The following TENT5D variants were observed in gnomAD, a reference collection of about 807,000 sequenced individuals.
TENT5D encodes the protein cancer/testis antigen 112.
For missense variants in TENT5D, 191 were observed against 287.0 expected (o/e 0.67, Z 2.42); for synonymous variants, 103 against 100.6 (o/e 1.02, Z -0.15).
chrX:80,372,183 A>G (rs1336512627), intron 3 of TENT5D, among the ~76,000 whole-genome samples: 1 of 111,281 alleles, frequency 9.0e-6, no homozygotes, highest in Non-Finnish European at 1.9e-5. Flanking sequence ...TAAATTAAGT[A>G]TGGTTTAAGG....
intron 1 of TENT5D, among the ~76,000 whole-genome samples, chrX:80,437,526 A>C (rs1362593299): frequency 9.0e-6 from 1 of 111,612 alleles, no homozygotes; most frequent in East Asian, 2.8e-4. Flanking sequence ...TATTGAACAC[A>C]GTATGGAAAC....
At chrX:80,395,252 T>G (rs955681050) in intron 3 of TENT5D, among the ~76,000 whole-genome samples, 1 of 112,396 alleles carries the variant, frequency 8.9e-6, no homozygotes, top group Non-Finnish European at 1.9e-5. Context: ...TACATGTTTT[T>G]TATTCCTTTG....
At position 80,428,057 on chromosome X, in the gene TENT5D, AT is replaced by A. The variant is rs776326337; in HGVS notation, c.-142+7500del. 9.8e-3 allele frequency among the ~76,000 whole-genome samples: 1,108 copies of A among 112,736 alleles called. 7 individuals are homozygous for A. The highest frequency in any genetic ancestry group is 0.042 in the Middle Eastern group (9 of 214). The stretch of plus-strand genomic sequence containing the variant: ...AAGCTGAGCACTTTTTAAGAAAATT[AT>A]TTTTTATTAATTAAAACTACAGAGA... On this transcript the variant is annotated intron_variant, in intron 1 of 2. Coordinates refer to ENST00000308293, the Ensembl canonical transcript of TENT5D.
At chrX:80,388,556 G>T (rs941926269) in intron 3 of TENT5D, among the ~76,000 whole-genome samples, 1 of 111,774 alleles carries the variant, frequency 8.9e-6, no homozygotes, top group Non-Finnish European at 1.9e-5. Flanking sequence ...GGCTTGGAAT[G>T]TGAGCCTCAC....
chrX:80,358,623 T>C (rs1930338928), intron 3 of TENT5D, among the ~76,000 whole-genome samples: 1 of 112,273 alleles, frequency 8.9e-6, no homozygotes, highest in South Asian at 3.7e-4. Context: ...TCTTATATAA[T>C]ATCATCGTAC....
intron 1 of TENT5D, among the ~76,000 whole-genome samples, chrX:80,437,021 A>G (rs1038301326): frequency 4.5e-5 from 5 of 112,177 alleles, no homozygotes; most frequent in African/African-American, 1.6e-4. Context: ...GATAGTTGAA[A>G]AGAAAAGCAA....
intron 3 of TENT5D, among the ~76,000 whole-genome samples, chrX:80,411,960 C>G (rs1931677536): frequency 8.9e-6 from 1 of 112,237 alleles, no homozygotes; most frequent in South Asian, 3.6e-4. Flanking sequence ...TGTGGGGGCT[C>G]CAACCCCACA....
intron 2 of TENT5D, among the ~76,000 whole-genome samples, chrX:80,341,913 G>T (rs939172926): frequency 3.7e-5 from 4 of 106,833 alleles, no homozygotes; most frequent in South Asian, 4.2e-4. Context: ...GGGTTTCACC[G>T]TGTTAGCCAG....
chrX:80,425,983 C>T lies in TENT5D; in HGVS notation c.-142+5420C>T, dbSNP rs755461541. 3.4e-3 allele frequency among the ~76,000 whole-genome samples: 380 copies of T among 110,606 alleles called. 1 individual carries two copies. The highest frequency in any genetic ancestry group is 9.4e-3 in the Middle Eastern group (2 of 213). On this transcript the variant is annotated intron_variant, in intron 1 of 2. Coordinates refer to ENST00000308293, the Ensembl canonical transcript of TENT5D. ...CAGAGGTTGCAGTGAGCCAAGATCA[C>T]GCCACTGCACTCCAGCCTGTGCGAC...
At chrX:80,409,255 T>C (rs945689220) in intron 3 of TENT5D, among the ~76,000 whole-genome samples, 1 of 110,601 alleles carries the variant, frequency 9.0e-6, no homozygotes, top group African/African-American at 3.3e-5. Context: ...CCAGGGCAAT[T>C]AGGCAGGAGA....
chrX:80,436,386 C>G (rs4826178), intron 1 of TENT5D, among the ~76,000 whole-genome samples: 13,317 of 110,560 alleles, frequency 0.12, 902 homozygotes, highest in East Asian at 0.48. Context: ...TGTTTTCAAT[C>G]TCATTCTTTT....
chrX:80,423,685 G>A (rs971361544), intron 1 of TENT5D, among the ~76,000 whole-genome samples: 2 of 109,429 alleles, frequency 1.8e-5, no homozygotes, highest in Admixed American at 9.8e-5. Flanking sequence ...CCGAGCTTAC[G>A]GTTTAAAGCA....
At chrX:80,417,342 A>G (rs760309195), upstream of TENT5D, among the ~76,000 whole-genome samples, 2 of 110,035 alleles carry the variant, frequency 1.8e-5, no homozygotes, top group Admixed American at 9.7e-5. Context: ...TTCTATCATC[A>G]TGTTATAAGC....
At chrX:80,340,235 T>C (rs1261017468) in intron 2 of TENT5D, among the ~76,000 whole-genome samples, 1 of 110,477 alleles carries the variant, frequency 9.1e-6, no homozygotes, top group African/African-American at 3.3e-5. Flanking sequence ...AAAAAACTCT[T>C]AAGGGAAGAA....
At chrX:80,338,211 T>C (rs1023219427) in intron 2 of TENT5D, among the ~76,000 whole-genome samples, 31 of 112,059 alleles carry the variant, frequency 2.8e-4, no homozygotes, top group Non-Finnish European at 1.1e-4. Flanking sequence ...TACCTTTTTC[T>C]CCTTTCACCG....
chrX:80,439,889 T>G (rs1932248172), intron 2 of TENT5D, among the ~76,000 whole-genome samples: 1 of 110,841 alleles, frequency 9.0e-6, no homozygotes, highest in South Asian at 3.7e-4. Context: ...TATGTAACAG[T>G]AGAGGTAGTT....
intron 3 of TENT5D, among the ~76,000 whole-genome samples, chrX:80,366,641 G>A (rs1399336750): frequency 9.0e-6 from 1 of 111,168 alleles, no homozygotes; most frequent in Non-Finnish European, 1.9e-5. Flanking sequence ...GAGAATGAAT[G>A]CTTTATTAAA....
At chrX:80,341,746 C>G (rs1281309276) in intron 2 of TENT5D, among the ~76,000 whole-genome samples, 1 of 95,452 alleles carries the variant, frequency 1.0e-5, no homozygotes, top group Non-Finnish European at 2.1e-5. Context: ...GAGTCTCGCT[C>G]TGTCGCCCAG....
At chrX:80,423,526 A>G (rs1210625075) in intron 1 of TENT5D, among the ~76,000 whole-genome samples, 2 of 110,435 alleles carry the variant, frequency 1.8e-5, no homozygotes, top group Non-Finnish European at 3.8e-5. Flanking sequence ...AGTGTGATTT[A>G]GCTTGGTCTG....
Sources: gnomAD v4.1 joint callset for allele counts (sites outside exome capture counted in the v4.1 genomes callset) on GRCh38, gnomAD v4.1.1 for gene constraint, MANE v1.5 for transcripts, NCBI Gene and HGNC (gene_info 2026-07-23, HGNC 2026-07-21) for gene names.